Variants in PRPF8 observed in about 807,000 individuals in gnomAD.
The protein encoded by PRPF8 is pre-mRNA-processing-splicing factor 8.
A neutral mutation model predicts 285.9 loss-of-function variants in PRPF8; 64 were observed. The ratio of observed to expected loss-of-function variants is 0.22; its 90% CI spans 0.18 to 0.28. The LOEUF (loss-of-function observed/expected upper bound fraction) is 0.28, where lower values mean the gene tolerates loss of function less well. PRPF8 is among the 10% of genes least tolerant of loss of function. PRPF8 has a pLI of 1.00. For missense variants in PRPF8, 1,426 were observed against 3,026.7 expected (o/e 0.47, Z 12.41); for synonymous variants, 1,325 against 1,118.2 (o/e 1.18, Z -3.69).
intron 6 of PRPF8, 130 bp from the exon 7 acceptor site, chr17:1,681,184 TC>T (rs1912902705): frequency 9.7e-7 from 1 of 1,036,256 alleles, no homozygotes; most frequent in South Asian, 1.3e-5. Context: ...GCTCAAACAA[TC>T]CTCCCACAGC....
At chr17:1,667,982 C>T (rs1265531793) in intron 24 of PRPF8, among the ~76,000 whole-genome samples, 2 of 152,198 alleles carry the variant, frequency 1.3e-5, no homozygotes, top group African/African-American at 2.4e-5. Flanking sequence ...CCAGCTTTAT[C>T]ATGCAATTTA....
chr17:1,684,726 CG>C (rs1227643445), intron 1 of PRPF8, 53 bp downstream of exon 1: 1 of 743,274 alleles, frequency 1.3e-6, no homozygotes, highest in East Asian at 2.7e-5. Flanking sequence ...TTCGGTCACT[CG>C]GCCCGACCCG....
At chr17:1,660,352 G>T in intron 30 of PRPF8, 80 bp downstream of exon 30, 1 of 1,606,236 alleles carries the variant, frequency 6.2e-7, no homozygotes. Flanking sequence ...CACCTGAGCT[G>T]ACTCTGTACA....
chr17:1,681,137 G>T, intron 6 of PRPF8, 83 bp from the exon 7 acceptor site: 1 of 1,446,958 alleles, frequency 6.9e-7, no homozygotes, highest in Non-Finnish European at 9.7e-7. Context: ...GGAATGCAAT[G>T]GCATGATCAT....
In PRPF8 at chr17:1,660,830, G is replaced by A. The variant is rs535981694; in HGVS notation, c.4509-3C>T. 1.1e-5 allele frequency: 18 copies of A among 1,613,854 alleles called. 1 individual carries two copies. The East Asian group carries it at 4.0e-4, about 36-fold the overall frequency. ...CCTCAAAGCCACTGGCCTTCTCCCT[G>A]GGGAGCAAGAGAAGCAGGTGAGGTG... On this transcript the variant is annotated splice_region_variant and splice_polypyrimidine_tract_variant and intron_variant, in intron 28 of 42. Coordinates refer to ENST00000304992, the MANE Select transcript of PRPF8 (RefSeq NM_006445.4).
At chr17:1,665,935 C>A (rs561625741) in intron 24 of PRPF8, among the ~76,000 whole-genome samples, 1 of 150,054 alleles carries the variant, frequency 6.7e-6, no homozygotes, top group Non-Finnish European at 1.5e-5. Context: ...CCGAGGCAAG[C>A]TGATCAGGTG....
chr17:1,663,756 G>A (rs1198844582), intron 24 of PRPF8, among the ~76,000 whole-genome samples: 2 of 137,460 alleles, frequency 1.5e-5, no homozygotes, highest in African/African-American at 5.4e-5. Flanking sequence ...ACTATATGCT[G>A]TCTATAGGAA....
At position 1,682,035 on chromosome 17, in the gene PRPF8, T is replaced by G; in HGVS notation, c.438A>C (p.Ser146=). The G allele has an allele frequency of 1.2e-6, 2 of 1,613,962 alleles. No individual in the cohort carries two copies. Among genetic ancestry groups the G allele is most frequent in the Non-Finnish European group, 1.7e-6 (2 of 1,179,990 alleles). Residue 146 remains serine, a synonymous_variant, in exon 5 of 43, where the codon TCA becomes TCC. Coordinates refer to ENST00000304992, the MANE Select transcript of PRPF8 (RefSeq NM_006445.4). ...IEPVYISQWG[S]MWIMMRREKR... ...TTTCTCGGCGCATCATAATCCACAT[T>G]GACCTGGAAGGCAAGACATCACACA...
rs762954387 is a variant in PRPF8 at position 1,650,776 on chromosome 17, G to A, written c.*26C>T. 8.1e-6 allele frequency: 13 copies of A among 1,613,266 alleles called. No homozygotes were observed. Among genetic ancestry groups the A allele is most frequent in the Admixed American group, 5.0e-5 (3 of 60,022 alleles). On this transcript the variant is annotated 3_prime_UTR_variant, in exon 43 of 43. Transcript: ENST00000304992. ...AGGGGCTGAGGCTTCGGCCTCGGGAGGCTGAAGCAGGAGGCAGGGAAACGG... is the reference window on the plus strand; with the variant it reads ...AGGGGCTGAGGCTTCGGCCTCGGGAAGCTGAAGCAGGAGGCAGGGAAACGG...
intron 24 of PRPF8, among the ~76,000 whole-genome samples, chr17:1,669,156 G>GAT (rs1912165883): frequency 6.6e-6 from 1 of 152,130 alleles, no homozygotes; most frequent in Non-Finnish European, 1.5e-5. Context: ...GCCGAGGCTG[G>GAT]GGTGCAGTGG....
chr17:1,654,463 G>T, intron 37 of PRPF8: 1 of 309,146 alleles, frequency 3.2e-6, no homozygotes, highest in Non-Finnish European at 6.2e-6. Flanking sequence ...TTAGGGTCTC[G>T]GATGTTCAAA....
intron 37 of PRPF8, 65 bp from the exon 38 acceptor site, chr17:1,654,081 A>G: frequency 2.5e-6 from 4 of 1,612,578 alleles, no homozygotes; most frequent in Middle Eastern, 1.8e-4. Context: ...GCCTCAATGG[A>G]AAGGGTGTAA....
Position 1,673,281 on chromosome 17 carries a change from A to T in PRPF8, c.3657+76T>A, listed in dbSNP as rs1275502908. Reference sequence around the variant, plus strand: ...CTGTGCCCACCACTCAAGTCTTTCCACCCAACAAGACTCCGGTGACTGACC... The same window carrying T: ...CTGTGCCCACCACTCAAGTCTTTCCTCCCAACAAGACTCCGGTGACTGACC... On this transcript the variant is annotated intron_variant, in intron 23 of 42. Transcript: ENST00000304992. The surrounding 1 kb of genome is among the most constrained non-coding windows in gnomAD (Gnocchi z 5.5). 17 of 1,603,058 alleles carry T rather than the reference A, an allele frequency of 1.1e-5. No homozygotes were observed. In the Admixed American group the frequency reaches 2.8e-4, roughly 27 times the overall value.
rs142411659 is a variant in PRPF8 at position 1,679,645 on chromosome 17, G to C, written c.1253C>G (p.Thr418Ser). 1.7e-4 allele frequency: 273 copies of C among 1,613,892 alleles called. No homozygotes were observed. Among genetic ancestry groups the C allele is most frequent in the Non-Finnish European group, 2.1e-4 (252 of 1,180,030 alleles). ...PRPFNLRSGR[T>S]RRALDIPLVK... Reference sequence around the variant, plus strand: ...AAGGGGTATGTCCAGGGCCCGACGGGTGCGACCAGAGCGTAGGTTGAAGGG... The same window carrying C: ...AAGGGGTATGTCCAGGGCCCGACGGCTGCGACCAGAGCGTAGGTTGAAGGG... Residue 418 changes from threonine to serine, a missense_variant, in exon 9 of 43, where the codon ACC (threonine) becomes AGC (serine). Coordinates refer to ENST00000304992, the MANE Select transcript of PRPF8 (RefSeq NM_006445.4). The surrounding 1 kb of genome is among the most constrained non-coding windows in gnomAD (Gnocchi z 4.7).
intron 24 of PRPF8, among the ~76,000 whole-genome samples, chr17:1,663,570 G>C (rs530249534): frequency 3.3e-5 from 5 of 151,904 alleles, no homozygotes; most frequent in African/African-American, 7.2e-5. Flanking sequence ...TTAGCTGAGC[G>C]TGGTGGCACG....
intron 2 of PRPF8, among the ~76,000 whole-genome samples, chr17:1,683,994 C>T (rs892059921): frequency 6.6e-6 from 1 of 151,384 alleles, no homozygotes; most frequent in South Asian, 2.1e-4. Flanking sequence ...TCAAGCCATT[C>T]TCCTGCCTCA....
At chr17:1,683,824 C>A in intron 2 of PRPF8, 123 bp from the exon 3 acceptor site, 3 of 1,131,446 alleles carry the variant, frequency 2.7e-6, no homozygotes, top group Non-Finnish European at 2.6e-6. Flanking sequence ...GGAAGAAGCA[C>A]CCCTTGCCAA....
rs371850073 is a variant in PRPF8, at chr17:1,661,115, C to T, written c.4386G>A (p.Gly1462=). 6.8e-6 allele frequency: 11 copies of T among 1,614,194 alleles called. No homozygotes were observed. In the East Asian group the frequency reaches 1.1e-4, roughly 16 times the overall value. Residue 1462 remains glycine, a synonymous_variant, in exon 28 of 43, where the codon GGG becomes GGA. Transcript: ENST00000304992. This position sits in a 1 kb window ranked among gnomAD's most constrained non-coding sequence, Gnocchi z 7.3. ...PFWWTHQRHD[G]KLWNLNNYRT... ...GGTAGTTGTTCAGGTTCCAGAGCTT[C>T]CCATCATGCCGCTGGTGTGTCCACC...
rs549776677 is a variant in PRPF8, at chr17:1,655,868, C to T, written c.5794-325G>A. On this transcript the variant is annotated intron_variant, in intron 36 of 42. Transcript: ENST00000304992. Reference sequence around the variant, plus strand: ...GTCTCAATCTCCTGACCTCGTGATCCGCCGCCTCGGCCTCCCAAAGTGCTG... The same window carrying T: ...GTCTCAATCTCCTGACCTCGTGATCTGCCGCCTCGGCCTCCCAAAGTGCTG... Among the ~76,000 whole-genome samples, 17 of 150,698 alleles carry T rather than the reference C, an allele frequency of 1.1e-4. No homozygotes were observed. The South Asian group carries it at 2.1e-3, about 19-fold the overall frequency.
Sources: allele counts gnomAD v4.1 joint callset (sites outside exome capture counted in the v4.1 genomes callset), GRCh38; gene constraint gnomAD v4.1.1; non-coding constraint Gnocchi (gnomAD v3.1); transcripts MANE v1.5; gene names NCBI Gene and HGNC (gene_info 2026-07-23, HGNC 2026-07-21).